Variants in CAMKMT observed in about 807,000 individuals in gnomAD.
CAMKMT encodes calmodulin-lysine N-methyltransferase.
CAMKMT carries 53 observed loss-of-function variants against 48.0 expected under a neutral mutation model. The ratio of observed to expected loss-of-function variants is 1.10; its 90% confidence interval spans 0.89 to 1.39. The LOEUF (loss-of-function observed/expected upper bound fraction) is 1.39, where lower values mean the gene tolerates loss of function less well. Ranked by LOEUF, CAMKMT falls within the 40% of genes most tolerant of loss-of-function variation. CAMKMT has a pLI of 0.00. For missense variants in CAMKMT, 428 were observed against 402.7 expected (o/e 1.06, Z -0.54); for synonymous variants, 165 against 152.3 (o/e 1.08, Z -0.61).
At chr2:44,476,043 A>G (rs1668672242) in intron 3 of CAMKMT, among the ~76,000 whole-genome samples, 1 of 152,238 alleles carries the variant, frequency 6.6e-6, no homozygotes, top group South Asian at 2.1e-4. Flanking sequence ...TAAAAAGGAA[A>G]GAATGAGGTT....
chr2:44,583,796 T>C (rs768248654), intron 3 of CAMKMT, among the ~76,000 whole-genome samples: 1 of 151,418 alleles, frequency 6.6e-6, no homozygotes, highest in Non-Finnish European at 1.5e-5. Flanking sequence ...ACCCTGTCTC[T>C]GAAAAGAAGA....
At chr2:44,766,340 G>C in intron 9 of CAMKMT, 90 bp from the exon 10 acceptor site, 1 of 1,413,022 alleles carries the variant, frequency 7.1e-7, no homozygotes, top group Non-Finnish European at 9.9e-7. Flanking sequence ...TTCTACTTGA[G>C]AGCAGTACAT....
chr2:44,697,828 T>C (rs1237612327), intron 3 of CAMKMT, among the ~76,000 whole-genome samples: 4 of 152,192 alleles, frequency 2.6e-5, no homozygotes, highest in South Asian at 2.1e-4. Context: ...TAGATTTTGC[T>C]TGAAACTGAA....
chr2:44,492,815 A>C (rs1268197421), intron 3 of CAMKMT, among the ~76,000 whole-genome samples: 1 of 151,994 alleles, frequency 6.6e-6, no homozygotes, highest in East Asian at 1.9e-4. Flanking sequence ...TTAAGGATTT[A>C]CTGTAGCAGA....
chr2:44,446,558 C>T (rs1243028341), intron 3 of CAMKMT, among the ~76,000 whole-genome samples: 5 of 152,192 alleles, frequency 3.3e-5, no homozygotes, highest in African/African-American at 1.2e-4. Flanking sequence ...GTTGGCCAGG[C>T]TGGTCTTGAA....
intron 3 of CAMKMT, among the ~76,000 whole-genome samples, chr2:44,401,686 G>A (rs969082261): frequency 6.6e-6 from 1 of 151,710 alleles, no homozygotes; most frequent in African/African-American, 2.4e-5. Flanking sequence ...TTAATGGCTT[G>A]AACATATTGT....
At chr2:44,369,767 C>G (rs1444442239) in intron 1 of CAMKMT, 1 of 152,208 alleles carries the variant, frequency 6.6e-6, no homozygotes, top group Non-Finnish European at 1.5e-5. Flanking sequence ...TCTCACTCTC[C>G]ATTAAATTAG....
chr2:44,553,647 C>T (rs1002300725), intron 3 of CAMKMT, among the ~76,000 whole-genome samples: 2 of 152,188 alleles, frequency 1.3e-5, no homozygotes, highest in East Asian at 1.9e-4. Flanking sequence ...AGTTGTGAGA[C>T]ACCGTACTTG....
chr2:44,462,245 TATTCTC>T (rs1443369630), intron 3 of CAMKMT, among the ~76,000 whole-genome samples: 1 of 152,148 alleles, frequency 6.6e-6, no homozygotes, highest in East Asian at 1.9e-4. Flanking sequence ...AAATAAAACA[TATTCTC>T]ATTACTCAAA....
intron 3 of CAMKMT, among the ~76,000 whole-genome samples, chr2:44,459,802 T>C (rs1667758318): frequency 6.6e-6 from 1 of 152,228 alleles, no homozygotes; most frequent in African/African-American, 2.4e-5. Flanking sequence ...AAAATTCATT[T>C]AAGTCTTGCT....
intron 3 of CAMKMT, among the ~76,000 whole-genome samples, chr2:44,651,329 A>G (rs545728032): frequency 6.6e-6 from 1 of 152,372 alleles, no homozygotes; most frequent in East Asian, 1.9e-4. Flanking sequence ...TGGAATATGC[A>G]GACATCAAAA....
intron 3 of CAMKMT, among the ~76,000 whole-genome samples, chr2:44,655,050 ATATTCT>A (rs1362666397): frequency 6.6e-6 from 1 of 152,188 alleles, no homozygotes; most frequent in African/African-American, 2.4e-5. Context: ...GTGTTCAGTG[ATATTCT>A]TAGAATGCAT....
chr2:44,659,291 T>G (rs188572476), intron 3 of CAMKMT, among the ~76,000 whole-genome samples: 3 of 151,916 alleles, frequency 2.0e-5, no homozygotes, highest in African/African-American at 7.2e-5. Flanking sequence ...CCAGGTTTGG[T>G]GGCTACATGC....
intron 3 of CAMKMT, among the ~76,000 whole-genome samples, chr2:44,584,702 C>T (rs948763265): frequency 6.6e-6 from 1 of 152,080 alleles, no homozygotes; most frequent in African/African-American, 2.4e-5. Flanking sequence ...AGATGGAGTT[C>T]CTTCCTTGGA....
intron 3 of CAMKMT, among the ~76,000 whole-genome samples, chr2:44,530,181 T>C (rs1174284585): frequency 6.6e-6 from 1 of 152,168 alleles, no homozygotes; most frequent in East Asian, 1.9e-4. Context: ...GGGTAGTGAA[T>C]GTGAGGGAAA....
At chr2:44,529,598 C>T (rs901287493) in intron 3 of CAMKMT, among the ~76,000 whole-genome samples, 1 of 152,176 alleles carries the variant, frequency 6.6e-6, no homozygotes, top group African/African-American at 2.4e-5. Flanking sequence ...GAGGTGGCAG[C>T]CATTCTGCAG....
At chr2:44,591,019 C>A (rs1670231180) in intron 3 of CAMKMT, among the ~76,000 whole-genome samples, 1 of 152,074 alleles carries the variant, frequency 6.6e-6, no homozygotes, top group South Asian at 2.1e-4. Flanking sequence ...GAGTCCTTTC[C>A]CCATTGCTTA....
intron 3 of CAMKMT, among the ~76,000 whole-genome samples, chr2:44,417,053 C>T (rs1048078405): frequency 6.6e-6 from 1 of 152,098 alleles, no homozygotes; most frequent in Non-Finnish European, 1.5e-5. Flanking sequence ...CCTACCTTAG[C>T]CTCCTGGGTT....
intron 3 of CAMKMT, among the ~76,000 whole-genome samples, chr2:44,604,120 A>G (rs943178341): frequency 6.6e-6 from 1 of 152,298 alleles, no homozygotes; most frequent in Non-Finnish European, 1.5e-5. Flanking sequence ...AGTCCTCTAG[A>G]TGAGGGGTTT....
Sources: gnomAD v4.1 joint callset for allele counts (sites outside exome capture counted in the v4.1 genomes callset) on GRCh38, gnomAD v4.1.1 for gene constraint, MANE v1.5 for transcripts, NCBI Gene and HGNC (gene_info 2026-07-23, HGNC 2026-07-21) for gene names.